Variants in SCFD1 observed in about 807,000 individuals in gnomAD.
SCFD1 encodes sec1 family domain-containing protein 1.
SCFD1 carries 37 observed loss-of-function variants against 103.2 expected under a neutral mutation model. That is an observed-to-expected ratio of 0.36 (90% CI 0.28 to 0.47). The LOEUF (loss-of-function observed/expected upper bound fraction) is 0.47, where lower values mean the gene tolerates loss of function less well. Ranked by LOEUF, SCFD1 falls within the 20% of genes least tolerant of loss-of-function variation. The probability of loss-of-function intolerance (pLI) is 1.00; values close to 1 mark genes in which losing one functional copy is unlikely to be tolerated. For synonymous variants in SCFD1, 264 were observed against 245.0 expected, an observed-to-expected ratio of 1.08 and a Z score of -0.73; for missense variants, 639 against 761.2, an observed-to-expected ratio of 0.84 and a Z score of 1.89.
At position 30,635,635 on chromosome 14, in the gene SCFD1, G is replaced by C. The variant is rs74931082; in HGVS notation, c.312+1598G>C. 3.6e-3 allele frequency among the ~76,000 whole-genome samples: 555 copies of C among 152,078 alleles called. 8 individuals are homozygous for C. The highest frequency in any genetic ancestry group is 0.013 in the African/African-American group (525 of 41,502). ...AATATATTCCATTGTATGGATGTAC[G>C]AAATTTTATTCATCCTTTTACCACT... On this transcript the variant is annotated intron_variant, in intron 4 of 24. Transcript: ENST00000458591.
At chr14:30,704,635 ATTTTGTCAAGATTGAAATTGAATATTT>A (rs1891343137) in intron 17 of SCFD1, among the ~76,000 whole-genome samples, 2 of 152,150 alleles carry the variant, frequency 1.3e-5, no homozygotes. Flanking sequence ...TTGTTGGCAC[ATTTTGTCAAGATTGAAATTGAATATTT>A]TTAGCATTTC....
At chr14:30,658,942 T>TA (rs561928584) in intron 10 of SCFD1, among the ~76,000 whole-genome samples, 219 of 152,362 alleles carry the variant, frequency 1.4e-3, no homozygotes, top group Non-Finnish European at 1.4e-3. Context: ...TTTACTCATT[T>TA]AATCCAAGCA....
chr14:30,631,015 T>TA (rs1594556287), intron 3 of SCFD1: 1 of 158,222 alleles, frequency 6.3e-6, no homozygotes, highest in African/African-American at 2.4e-5. Context: ...TCAGAATACT[T>TA]ACATTGGCCT....
At chr14:30,718,347 A>G (rs1892427073) in intron 20 of SCFD1, among the ~76,000 whole-genome samples, 1 of 152,244 alleles carries the variant, frequency 6.6e-6, no homozygotes, top group Admixed American at 6.5e-5. Flanking sequence ...GATCTTACTG[A>G]AATGTTTTCC....
intron 19 of SCFD1, among the ~76,000 whole-genome samples, chr14:30,712,081 GGAAA>G (rs937565913): frequency 1.2e-4 from 18 of 145,078 alleles, no homozygotes; most frequent in African/African-American, 4.2e-4. Context: ...TTTAAATTTT[GGAAA>G]GAGACAGCCC....
At chr14:30,718,336 G>A (rs969972955) in intron 20 of SCFD1, among the ~76,000 whole-genome samples, 1 of 152,158 alleles carries the variant, frequency 6.6e-6, no homozygotes, top group African/African-American at 2.4e-5. Flanking sequence ...GCTACCTTGT[G>A]GATCTTACTG....
intron 1 of SCFD1, among the ~76,000 whole-genome samples, chr14:30,626,261 G>T (rs1046739520): frequency 6.6e-6 from 1 of 151,736 alleles, no homozygotes; most frequent in African/African-American, 2.4e-5. Flanking sequence ...TGTATTTTTG[G>T]CTGGACATTA....
chr14:30,630,723 T>C, intron 3 of SCFD1, 158 bp downstream of exon 3: 1 of 544,610 alleles, frequency 1.8e-6, no homozygotes, highest in Non-Finnish European at 3.2e-6. Flanking sequence ...ATCCTCAGTC[T>C]GAGGCTTTAT....
chr14:30,694,186 T>C (rs183929878), intron 14 of SCFD1, among the ~76,000 whole-genome samples: 1 of 152,338 alleles, frequency 6.6e-6, no homozygotes, highest in Admixed American at 6.5e-5. Context: ...GAATTTTGCA[T>C]GGAGTACAAT....
chr14:30,732,080 T>C (rs1036972824), intron 23 of SCFD1, among the ~76,000 whole-genome samples: 5 of 152,228 alleles, frequency 3.3e-5, no homozygotes, highest in Admixed American at 6.5e-5. Context: ...TTGAATTTTG[T>C]CAAAGACAAA....
rs75114663 is a variant in SCFD1, at chr14:30,693,499, G to A, written c.1243-1274G>A. On this transcript the variant is annotated intron_variant, in intron 14 of 24. Coordinates refer to ENST00000458591, the MANE Select transcript of SCFD1 (RefSeq NM_016106.4). ...AGTGAAATGACTCTGATTTCTTGTT[G>A]CTCCATGTATCAAATTCACTCCTTA... Among the ~76,000 whole-genome samples, 558 of 152,206 alleles carry A rather than the reference G, an allele frequency of 3.7e-3. 7 individuals carry two copies. Among genetic ancestry groups the A allele is most frequent in the African/African-American group, 0.013 (528 of 41,542 alleles).
intron 10 of SCFD1, among the ~76,000 whole-genome samples, chr14:30,656,931 C>T (rs767869061): frequency 2.6e-5 from 4 of 151,836 alleles, no homozygotes; most frequent in African/African-American, 4.8e-5. Flanking sequence ...GATGGGGTCT[C>T]AGTGGGATTG....
At chr14:30,706,873 G>A (rs1478924287) in intron 18 of SCFD1, among the ~76,000 whole-genome samples, 3 of 152,126 alleles carry the variant, frequency 2.0e-5, no homozygotes, top group Non-Finnish European at 4.4e-5. Flanking sequence ...ATAAGTACTT[G>A]GCAAAAGGAA....
intron 17 of SCFD1, among the ~76,000 whole-genome samples, chr14:30,704,291 A>T (rs917703809): frequency 6.6e-6 from 1 of 151,994 alleles, no homozygotes; most frequent in Non-Finnish European, 1.5e-5. Flanking sequence ...CTTCCATTTC[A>T]GCCTCCTTAG....
intron 14 of SCFD1, among the ~76,000 whole-genome samples, chr14:30,690,865 C>G (rs1232861909): frequency 1.3e-5 from 2 of 152,276 alleles, no homozygotes; most frequent in Non-Finnish European, 2.9e-5. Context: ...ATTGAAGCTA[C>G]TGAAGAATCT....
intron 19 of SCFD1, among the ~76,000 whole-genome samples, chr14:30,713,896 ACTTGGAATTC>A (rs1892073589): frequency 6.6e-6 from 1 of 152,130 alleles, no homozygotes; most frequent in Non-Finnish European, 1.5e-5. Flanking sequence ...TGTTGGTATT[ACTTGGAATTC>A]CTAACTATAG....
intron 10 of SCFD1, among the ~76,000 whole-genome samples, chr14:30,657,382 G>A (rs776467437): frequency 1.3e-5 from 2 of 152,148 alleles, no homozygotes; most frequent in Non-Finnish European, 2.9e-5. Flanking sequence ...CCTTGATGAG[G>A]TTTTCACTGT....
chr14:30,628,199 T>G lies in SCFD1; in HGVS notation c.62-10T>G, dbSNP rs1224406257. On this transcript the variant is annotated splice_polypyrimidine_tract_variant and intron_variant, in intron 1 of 24. Transcript: ENST00000458591. ...CAATGACAATATTTGATAAAACTTT[T>G]TATTTTCAGTGGCTTTGAAGCGTAT... 5 of 1,598,394 alleles carry G rather than the reference T, an allele frequency of 3.1e-6. No individual in the cohort carries two copies. The highest frequency in any genetic ancestry group is 4.5e-5 in the East Asian group (2 of 44,698).
chr14:30,691,669 T>A (rs891205041), intron 14 of SCFD1, among the ~76,000 whole-genome samples: 2 of 152,210 alleles, frequency 1.3e-5, no homozygotes, highest in Admixed American at 6.5e-5. Flanking sequence ...TTTTAGGATA[T>A]TTACAGAGTT....
Sources: gnomAD v4.1 joint callset for allele counts (sites outside exome capture counted in the v4.1 genomes callset) on GRCh38, gnomAD v4.1.1 for gene constraint, MANE v1.5 for transcripts, NCBI Gene and HGNC (gene_info 2026-07-23, HGNC 2026-07-21) for gene names.